RBFOX3: variants seen among roughly 807,000 people sequenced by gnomAD.
RBFOX3 encodes the protein RNA binding fox-1 homolog 3, also known as RNA binding protein fox-1 homolog 3.
A neutral mutation model predicts 48.7 loss-of-function variants in RBFOX3; 17 were observed. The observed-to-expected ratio is 0.35, with a 90% CI of 0.24 to 0.52. The LOEUF (loss-of-function observed/expected upper bound fraction) is 0.52. Among genes scored for constraint, RBFOX3 ranks in the 20% least tolerant of loss-of-function variants. RBFOX3 has a pLI of 0.94. For synonymous variants in RBFOX3, 212 were observed against 209.5 expected, an observed-to-expected ratio of 1.01 and a Z score of -0.10; for missense variants, 382 against 497.5, an observed-to-expected ratio of 0.77 and a Z score of 2.21.
Position 79,482,060 on chromosome 17 carries a change from C to T in RBFOX3, c.-175+394G>A, listed in dbSNP as rs1270787086. On this transcript the variant is annotated intron_variant, in intron 2 of 14. Transcript: ENST00000693108. The surrounding 1 kb of genome is among the most constrained non-coding windows in gnomAD (Gnocchi z 4.1). Reference sequence around the variant, plus strand: ...GAAGGCTTCAGGGCCCTCCCTGAGCCGCGGAGCAATCTGGGCAGCAGAACA... The same window carrying T: ...GAAGGCTTCAGGGCCCTCCCTGAGCTGCGGAGCAATCTGGGCAGCAGAACA... Among the ~76,000 whole-genome samples, 4 of 152,210 alleles carry T rather than the reference C, an allele frequency of 2.6e-5. No homozygotes were observed. The highest frequency in any genetic ancestry group is 6.5e-5 in the Admixed American group (1 of 15,296).
the RBFOX3 span, among the ~76,000 whole-genome samples, chr17:79,659,339 T>G: frequency 6.6e-6 from 1 of 152,182 alleles, no homozygotes; most frequent in Non-Finnish European, 1.5e-5. Context: ...AGAGGGTATC[T>G]GGGTCAAGCG....
chr17:79,231,011 C>T (rs565897179), intron 4 of RBFOX3, among the ~76,000 whole-genome samples: 22 of 151,984 alleles, frequency 1.4e-4, no homozygotes, highest in African/African-American at 5.3e-4. Flanking sequence ...GGCAGTGATC[C>T]CCCAGTGCTG....
rs1435038117 is a variant in RBFOX3, at chr17:79,468,525, A to G, written c.-175+13929T>C. Among the ~76,000 whole-genome samples, 8 of 152,328 alleles carry G rather than the reference A, an allele frequency of 5.3e-5. No homozygotes were observed. The East Asian group carries it at 9.6e-4, about 18-fold the overall frequency. ...TAGATGCATACACAGACATAGGTAG[A>G]TAGATCGGTAGCAGATAGGCAGGCA... On this transcript the variant is annotated intron_variant, in intron 2 of 14. Transcript: ENST00000693108.
intron 3 of RBFOX3, among the ~76,000 whole-genome samples, chr17:79,303,189 C>T (rs2075587696): frequency 6.6e-6 from 1 of 152,164 alleles, no homozygotes; most frequent in Admixed American, 6.5e-5. Flanking sequence ...GCCTGTGTGA[C>T]AGAACAAGAC....
chr17:79,534,381 G>A (rs1192135764), intron 1 of RBFOX3, among the ~76,000 whole-genome samples: 1 of 152,202 alleles, frequency 6.6e-6, no homozygotes, highest in African/African-American at 2.4e-5. Context: ...ATTCCCCGGC[G>A]AGATGCTCAG....
At chr17:79,253,446 A>G (rs954186076) in intron 3 of RBFOX3, among the ~76,000 whole-genome samples, 40 of 152,228 alleles carry the variant, frequency 2.6e-4, no homozygotes, top group African/African-American at 9.4e-4. Flanking sequence ...TTCTTTATGG[A>G]CCATTAAAGA....
intron 2 of RBFOX3, among the ~76,000 whole-genome samples, chr17:79,460,272 C>T (rs782344317): frequency 7.2e-5 from 11 of 151,994 alleles, no homozygotes; most frequent in South Asian, 4.2e-4. Context: ...TACAATTTTA[C>T]CTCATTAAAA....
chr17:79,458,188 G>GGCGCACACGGTTACCCTTA (rs2074842638), intron 2 of RBFOX3, among the ~76,000 whole-genome samples: 1 of 152,220 alleles, frequency 6.6e-6, no homozygotes, highest in African/African-American at 2.4e-5. Context: ...CGAAGCAGTC[G>GGCGCACACGGTTACCCTTA]GCGCACACGG....
intron 2 of RBFOX3, among the ~76,000 whole-genome samples, chr17:79,335,366 T>A (rs1016552279): frequency 6.6e-6 from 1 of 152,264 alleles, no homozygotes; most frequent in Non-Finnish European, 1.5e-5. Flanking sequence ...ATCATGTAAG[T>A]GTATGTATAT....
At chr17:79,539,761 A>T (rs2089396135) in intron 1 of RBFOX3, among the ~76,000 whole-genome samples, 1 of 152,236 alleles carries the variant, frequency 6.6e-6, no homozygotes, top group Non-Finnish European at 1.5e-5. Context: ...GAATTTTTAA[A>T]TGACTAAGAA....
intron 2 of RBFOX3, among the ~76,000 whole-genome samples, chr17:79,383,031 AACACACAC>A (rs60851419): frequency 1.3e-3 from 184 of 141,394 alleles, no homozygotes; most frequent in Middle Eastern, 7.5e-3. Flanking sequence ...CTGCCTCTCA[AACACACAC>A]ACACACACAC....
rs532704351 is a variant in RBFOX3, at chr17:79,249,693, G to A, written c.-73-13888C>T. Among the ~76,000 whole-genome samples the A allele has an allele frequency of 1.5e-4, 21 of 143,862 alleles. No individual in the cohort carries two copies. Among genetic ancestry groups the A allele is most frequent in the Admixed American group, 1.3e-3 (18 of 14,050 alleles). The allele number at this position is 143,862 out of a possible 152,430, so 94.4% of individuals were successfully genotyped here. A position where few individuals can be genotyped will look rare whatever the true frequency, so the allele number is the denominator to read the frequency against. The stretch of plus-strand genomic sequence containing the variant: ...CAAAACCACTTCCCCTGCCTCGCCC[G>A]TTCCTTCCTAGGGAAACCACAGTCA... On this transcript the variant is annotated intron_variant, in intron 3 of 14. Coordinates refer to ENST00000693108, the MANE Select transcript of RBFOX3 (RefSeq NM_001350451.2). The surrounding 1 kb of genome is among the most constrained non-coding windows in gnomAD (Gnocchi z 4.1).
chr17:79,250,008 G>T (rs182636312), intron 3 of RBFOX3, among the ~76,000 whole-genome samples: 3 of 152,326 alleles, frequency 2.0e-5, no homozygotes, highest in South Asian at 2.1e-4. Context: ...AAACCGTAAT[G>T]CTTCCCTGGT....
chr17:79,256,057 C>T (rs2064790663), intron 3 of RBFOX3, among the ~76,000 whole-genome samples: 1 of 151,872 alleles, frequency 6.6e-6, no homozygotes, highest in South Asian at 2.1e-4. Context: ...CCACCAACTT[C>T]CCTGGTGCGG....
the RBFOX3 span, among the ~76,000 whole-genome samples, chr17:79,659,117 A>T: frequency 5.3e-5 from 8 of 152,152 alleles, no homozygotes. Context: ...GTCACCGCAC[A>T]GGAACAGGGA....
intron 2 of RBFOX3, among the ~76,000 whole-genome samples, chr17:79,415,608 G>A (rs1418603196): frequency 6.6e-6 from 1 of 152,216 alleles, no homozygotes; most frequent in Non-Finnish European, 1.5e-5. Flanking sequence ...GGGCCACCAG[G>A]GCGGGCAGCT....
chr17:79,279,623 T>C (rs1183032171), intron 3 of RBFOX3, among the ~76,000 whole-genome samples: 1 of 152,240 alleles, frequency 6.6e-6, no homozygotes, highest in Non-Finnish European at 1.5e-5. Flanking sequence ...CTAGCACTGC[T>C]AGCATTTGCT....
chr17:79,228,033 C>T (rs1036282224), intron 4 of RBFOX3, among the ~76,000 whole-genome samples: 1 of 152,316 alleles, frequency 6.6e-6, no homozygotes, highest in South Asian at 2.1e-4. Flanking sequence ...CAGAAGGACC[C>T]AGGTGTGGGC....
At chr17:79,331,078 G>C (rs1354236180) in intron 2 of RBFOX3, among the ~76,000 whole-genome samples, 1 of 152,128 alleles carries the variant, frequency 6.6e-6, no homozygotes, top group Non-Finnish European at 1.5e-5. Context: ...CTCTTTCCAA[G>C]TATTTATGGG....
Sources: allele counts gnomAD v4.1 joint callset (sites outside exome capture counted in the v4.1 genomes callset), GRCh38; gene constraint gnomAD v4.1.1; non-coding constraint Gnocchi (gnomAD v3.1); transcripts MANE v1.5; gene names NCBI Gene and HGNC (gene_info 2026-07-23, HGNC 2026-07-21).